ATP8A2: variants seen among roughly 807,000 people sequenced by gnomAD.
ATP8A2 encodes the protein ATPase phospholipid transporting 8A2, also known as phospholipid-transporting ATPase IB.
ATP8A2 carries 100 observed loss-of-function variants against 165.6 expected under a neutral mutation model. The ratio of observed to expected loss-of-function variants is 0.60; its 90% CI spans 0.51 to 0.71. The LOEUF (loss-of-function observed/expected upper bound fraction) is 0.71, where lower values mean the gene tolerates loss of function less well. Ranked by LOEUF, ATP8A2 falls within the 30% of genes least tolerant of loss-of-function variation. The pLI is 0.00. For synonymous variants in ATP8A2, 543 were observed against 548.8 expected (o/e 0.99, Z 0.15); for missense variants, 1,227 against 1,479.5 (o/e 0.83, Z 2.80).
At chr13:25,446,152 T>C (rs1228599203) in intron 1 of ATP8A2, among the ~76,000 whole-genome samples, 1 of 152,168 alleles carries the variant, frequency 6.6e-6, no homozygotes, top group Non-Finnish European at 1.5e-5. Context: ...TGGGCTGTCC[T>C]ATCAGTCTCT....
At chr13:25,481,425 C>T (rs907371557) in intron 2 of ATP8A2, among the ~76,000 whole-genome samples, 2 of 152,196 alleles carry the variant, frequency 1.3e-5, no homozygotes, top group Non-Finnish European at 2.9e-5. Flanking sequence ...ATCCTTCATT[C>T]CTCCTCCATC....
chr13:25,928,872 C>T (rs111609095), intron 33 of ATP8A2, among the ~76,000 whole-genome samples: 367 of 152,304 alleles, frequency 2.4e-3, no homozygotes, highest in Non-Finnish European at 4.4e-3. Context: ...GCCCCCAAAT[C>T]GGAAACGTTC....
At chr13:25,486,020 A>G (rs887630942) in intron 2 of ATP8A2, among the ~76,000 whole-genome samples, 3 of 152,184 alleles carry the variant, frequency 2.0e-5, no homozygotes, top group Non-Finnish European at 4.4e-5. Flanking sequence ...AGTACTCCAT[A>G]TTAGTATGTA....
intron 10 of ATP8A2, among the ~76,000 whole-genome samples, chr13:25,543,690 C>T (rs2038555661): frequency 6.6e-6 from 1 of 152,160 alleles, no homozygotes; most frequent in Non-Finnish European, 1.5e-5. Context: ...GGAATTAGTT[C>T]TAACTTTTAA....
chr13:25,783,060 A>T (rs1429112288), intron 27 of ATP8A2, among the ~76,000 whole-genome samples: 3 of 152,168 alleles, frequency 2.0e-5, no homozygotes, highest in Non-Finnish European at 2.9e-5. Context: ...AATATGTACT[A>T]TTTATTCTTG....
At chr13:25,624,532 C>G (rs938268632) in intron 24 of ATP8A2, among the ~76,000 whole-genome samples, 2 of 152,126 alleles carry the variant, frequency 1.3e-5, no homozygotes, top group African/African-American at 4.8e-5. Flanking sequence ...AACTAGTTTT[C>G]TGAATATTTT....
intron 2 of ATP8A2, among the ~76,000 whole-genome samples, chr13:25,475,597 G>A (rs1195401493): frequency 6.6e-6 from 1 of 152,188 alleles, no homozygotes; most frequent in Non-Finnish European, 1.5e-5. Flanking sequence ...CTTCCAAACT[G>A]CTTTTCACAG....
intron 25 of ATP8A2, among the ~76,000 whole-genome samples, chr13:25,759,461 A>T (rs1325796267): frequency 6.6e-6 from 1 of 152,094 alleles, no homozygotes; most frequent in Non-Finnish European, 1.5e-5. Context: ...CACCTTCCCC[A>T]CAGCAGAGGT....
intron 24 of ATP8A2, among the ~76,000 whole-genome samples, chr13:25,594,513 G>T (rs2040181674): frequency 6.6e-6 from 1 of 151,902 alleles, no homozygotes; most frequent in South Asian, 2.1e-4. Flanking sequence ...TGAGATTTTG[G>T]TGCACCCATC....
At chr13:25,640,415 A>G (rs992693426) in intron 24 of ATP8A2, among the ~76,000 whole-genome samples, 3 of 152,228 alleles carry the variant, frequency 2.0e-5, no homozygotes, top group African/African-American at 7.2e-5. Flanking sequence ...AAAATGATAA[A>G]GGGGATATCA....
At chr13:25,532,073 A>C (rs969208105) in intron 4 of ATP8A2, among the ~76,000 whole-genome samples, 199 bp from the exon 5 acceptor site, 8 of 152,236 alleles carry the variant, frequency 5.3e-5, no homozygotes, top group African/African-American at 1.9e-4. Flanking sequence ...AAAATAAAAT[A>C]ATTGAAACTA....
At chr13:25,769,602 A>G (rs1216977905) in intron 26 of ATP8A2, among the ~76,000 whole-genome samples, 1 of 152,178 alleles carries the variant, frequency 6.6e-6, no homozygotes, top group Non-Finnish European at 1.5e-5. Context: ...TGTGCTCATG[A>G]CAGCCTTTCT....
chr13:25,728,895 C>T (rs1185663016), intron 25 of ATP8A2, among the ~76,000 whole-genome samples: 1 of 152,102 alleles, frequency 6.6e-6, no homozygotes, highest in Non-Finnish European at 1.5e-5. Flanking sequence ...TATGCGTGCT[C>T]CTTGGAAAGT....
At chr13:25,717,160 C>A (rs1345246999) in intron 25 of ATP8A2, among the ~76,000 whole-genome samples, 1 of 152,102 alleles carries the variant, frequency 6.6e-6, no homozygotes, top group Non-Finnish European at 1.5e-5. Context: ...CTTGTTCATT[C>A]GTTCATTCAT....
intron 33 of ATP8A2, among the ~76,000 whole-genome samples, chr13:25,925,931 G>A (rs1050589753): frequency 2.6e-5 from 4 of 151,828 alleles, no homozygotes; most frequent in South Asian, 2.1e-4. Flanking sequence ...TCTCCATATT[G>A]GCCAGGCTGG....
intron 10 of ATP8A2, among the ~76,000 whole-genome samples, chr13:25,546,329 C>G (rs561732274): frequency 6.6e-6 from 1 of 152,230 alleles, no homozygotes; most frequent in Admixed American, 6.5e-5. Flanking sequence ...TGGAAAACCC[C>G]AGAAACATCT....
intron 25 of ATP8A2, among the ~76,000 whole-genome samples, chr13:25,706,616 G>A (rs919863422): frequency 7.2e-5 from 11 of 152,056 alleles, no homozygotes; most frequent in Non-Finnish European, 1.3e-4. Flanking sequence ...TGTTTTAGTT[G>A]GCCTCCATAT....
In ATP8A2 at chr13:25,468,950, TTCTCTGCCTGCGCCCTG is replaced by T; in HGVS notation, c.77-19_77-3del. 1 of 1,611,972 alleles carries T rather than the reference TTCTCTGCCTGCGCCCTG, an allele frequency of 6.2e-7. No individual in the cohort carries two copies. Among genetic ancestry groups the T allele is most frequent in the Non-Finnish European group, 8.5e-7 (1 of 1,178,574 alleles). ...TGGCGGTTGACTTCTTTGTGTCGTA[TTCTCTGCCTGCGCCCTG>T]TCTCTGCAGGACCTGTTCGTTCTTC... On this transcript the variant is annotated splice_polypyrimidine_tract_variant and intron_variant, in intron 1 of 36. Coordinates refer to ENST00000381655, the MANE Select transcript of ATP8A2 (RefSeq NM_016529.6).
chr13:25,868,027 C>A, intron 33 of ATP8A2: 11 of 424,134 alleles, frequency 2.6e-5, no homozygotes, highest in Non-Finnish European at 1.4e-5. Context: ...CCAGGTGGGG[C>A]GCTCAGTGAG....
Sources: gnomAD v4.1 joint callset for allele counts (sites outside exome capture counted in the v4.1 genomes callset) on GRCh38, gnomAD v4.1.1 for gene constraint, MANE v1.5 for transcripts, NCBI Gene and HGNC (gene_info 2026-07-23, HGNC 2026-07-21) for gene names.